Variants in GALP observed in about 807,000 individuals in gnomAD.
The protein encoded by GALP is galanin-like peptide.
A neutral mutation model predicts 15.2 loss-of-function variants in GALP; 12 were observed. The observed-to-expected ratio is 0.79, with a 90% CI of 0.51 to 1.28. The LOEUF (loss-of-function observed/expected upper bound fraction) is 1.28. Ranked by LOEUF, GALP falls within the 50% of genes most tolerant of loss-of-function variation. The probability of loss-of-function intolerance (pLI) is 0.00; values close to 1 mark genes in which losing one functional copy is unlikely to be tolerated. For missense variants in GALP, 161 were observed against 145.6 expected (o/e 1.11, Z -0.55); for synonymous variants, 58 against 55.1 (o/e 1.05, Z -0.23).
Position 56,177,092 on chromosome 19 carries a change from C to G in GALP, c.-17C>G. 6.2e-7 allele frequency: 1 copy of G among 1,604,038 alleles called. No homozygotes were observed. The highest frequency in any genetic ancestry group is 8.5e-7 in the Non-Finnish European group (1 of 1,173,212). On this transcript the variant is annotated 5_prime_UTR_variant, in exon 2 of 6. Transcript: ENST00000357330. Reference sequence around the variant, plus strand: ...CAGCGTGTTCCGCAGCTGTAGGCACCTGTCGTCCTGCCTTCGATGGCTCCT... The same window carrying G: ...CAGCGTGTTCCGCAGCTGTAGGCACGTGTCGTCCTGCCTTCGATGGCTCCT...
At chr19:56,182,512 T>C (rs35526808) in intron 4 of GALP, among the ~76,000 whole-genome samples, 34,763 of 152,070 alleles carry the variant, frequency 0.23, 4,907 homozygotes, top group African/African-American at 0.39. Flanking sequence ...GCATCAGACC[T>C]CACAGAATCC....
intron 3 of GALP, among the ~76,000 whole-genome samples, chr19:56,180,907 CTTTCTTTCTT>C (rs1191526994): frequency 8.4e-5 from 7 of 83,692 alleles, no homozygotes; most frequent in African/African-American, 2.1e-4. Flanking sequence ...TTCTTTCTTT[CTTTCTTTCTT>C]TTTTTTTTTT....
chr19:56,176,246 A>C (rs35957908), intron 1 of GALP, among the ~76,000 whole-genome samples, 184 bp downstream of exon 1: 10,947 of 59,286 alleles, frequency 0.18, 1,210 homozygotes, highest in East Asian at 0.32. Context: ...ACAGGGGCGG[A>C]TGCCAGCTGC....
At chr19:56,182,788 C>T (rs1354010936) in intron 4 of GALP, among the ~76,000 whole-genome samples, 1 of 152,138 alleles carries the variant, frequency 6.6e-6, no homozygotes, top group Non-Finnish European at 1.5e-5. Flanking sequence ...GAATTCCTGA[C>T]CTCAGGAGAT....
intron 5 of GALP, among the ~76,000 whole-genome samples, 176 bp from the exon 6 acceptor site, chr19:56,185,039 G>A (rs546205750): frequency 2.6e-5 from 4 of 152,182 alleles, no homozygotes; most frequent in South Asian, 2.1e-4. Flanking sequence ...GGTGGCTCAC[G>A]CCTGTAATCC....
intron 5 of GALP, among the ~76,000 whole-genome samples, chr19:56,184,821 T>A (rs188004081): frequency 3.3e-5 from 5 of 152,246 alleles, no homozygotes; most frequent in Admixed American, 1.3e-4. Context: ...AGACGCCATG[T>A]CCTTATTTCA....
rs1486011723 is a variant in GALP at position 56,183,148 on chromosome 19, C to G, written c.231C>G (p.Tyr77Ter). 1 of 1,613,154 alleles carries G rather than the reference C, an allele frequency of 6.2e-7. No individual in the cohort carries two copies. Among genetic ancestry groups the G allele is most frequent in the Non-Finnish European group, 8.5e-7 (1 of 1,179,156 alleles). The change falls in exon 5 of 6, where the codon TAC becomes TAG. Residue 77 changes from tyrosine to a stop codon, truncating the protein, a stop_gained. Transcript: ENST00000357330. LOFTEE classifies it high-confidence loss of function. ...DLWKAIDGLP[Y>*]SHPPQPSKRN... ...TTTTGTTTCTAGACGGGCTCCCCTA[C>G]TCCCACCCTCCACAGCCCTCCAAGA...
chr19:56,182,353 C>A, intron 4 of GALP, 101 bp downstream of exon 4: 1 of 809,824 alleles, frequency 1.2e-6, no homozygotes, highest in South Asian at 1.7e-5. Context: ...CCTCACCCTG[C>A]CGCTTACTAT....
rs781105517 is a variant in GALP, at chr19:56,177,122, C to T, written c.14C>T (p.Ser5Phe). MAPP[S>F]VPLVLLLVLL... is the part of the protein sequence containing the mutation. ...GTCCTGCCTTCGATGGCTCCTCCCT[C>T]CGTCCCCCTGGTCCTCCTCCTCGTC... The change falls in exon 2 of 6, where the codon TCC becomes TTC. Residue 5 changes from serine to phenylalanine, a missense_variant. Transcript: ENST00000357330. 3 of 1,613,368 alleles carry T rather than the reference C, an allele frequency of 1.9e-6. No individual in the cohort carries two copies. The highest frequency in any genetic ancestry group is 1.7e-5 in the Admixed American group (1 of 59,930).
intron 2 of GALP, among the ~76,000 whole-genome samples, chr19:56,178,959 G>A (rs2032514550): frequency 6.6e-6 from 1 of 152,198 alleles, no homozygotes; most frequent in Admixed American, 6.5e-5. Flanking sequence ...CGGATCACCT[G>A]AGGTCAGGAG....
chr19:56,177,652 A>C (rs560611375), intron 2 of GALP, among the ~76,000 whole-genome samples: 1 of 152,152 alleles, frequency 6.6e-6, no homozygotes, highest in Non-Finnish European at 1.5e-5. Context: ...CACGGCACCC[A>C]GTCTGGGACG....
chr19:56,177,510 C>CA (rs35564874), intron 2 of GALP, among the ~76,000 whole-genome samples: 12,398 of 73,528 alleles, frequency 0.17, 1,040 homozygotes, highest in African/African-American at 0.35. Flanking sequence ...GACTCCATCT[C>CA]AAAAAAAAAA....
intron 2 of GALP, among the ~76,000 whole-genome samples, chr19:56,178,262 G>C (rs139011716): frequency 6.6e-6 from 1 of 151,326 alleles, no homozygotes; most frequent in Admixed American, 6.6e-5. Context: ...TCAGGAGTTC[G>C]AGACCAGCCT....
In GALP at chr19:56,183,166, C is replaced by T; in HGVS notation, c.249C>T (p.Pro83=). The T allele has an allele frequency of 6.2e-7, 1 of 1,613,884 alleles. No homozygotes were observed. The part of the protein sequence containing the change: ...DGLPYSHPPQ[P]SKRNVMETFA... Reference sequence around the variant, plus strand: ...TCCCCTACTCCCACCCTCCACAGCCCTCCAAGAGGAATGTGATGGAGACGT... The same window carrying T: ...TCCCCTACTCCCACCCTCCACAGCCTTCCAAGAGGAATGTGATGGAGACGT... The change falls in exon 5 of 6, where the codon CCC becomes CCT. Residue 83 remains proline (P), a synonymous_variant. Transcript: ENST00000357330.
At chr19:56,185,116 C>G in intron 5 of GALP, 99 bp from the exon 6 acceptor site, 2 of 769,402 alleles carry the variant, frequency 2.6e-6, no homozygotes, top group Non-Finnish European at 4.5e-6. Context: ...GCCTGGCCAA[C>G]ATGGTGAAAC....
chr19:56,182,194 T>C lies in GALP; in HGVS notation c.159T>C (p.Gly53=), dbSNP rs771308137. Residue 53 remains glycine, a synonymous_variant, in exon 4 of 6, where the codon GGT becomes GGC. Coordinates refer to ENST00000357330, the MANE Select transcript of GALP (RefSeq NM_033106.4). ...CAGTCCTCCACCTTCCCCAAATGGG[T>C]GACCAAGACGGAAAGAGGGAGACAG... The part of the protein sequence containing the change: ...LGPVLHLPQM[G]DQDGKRETAL... 1 of 1,613,918 alleles carries C rather than the reference T, an allele frequency of 6.2e-7. No homozygotes were observed. Among genetic ancestry groups the C allele is most frequent in the South Asian group, 1.1e-5 (1 of 91,062 alleles).
chr19:56,183,051 C>T (rs936342870), intron 4 of GALP, 84 bp from the exon 5 acceptor site: 37 of 956,780 alleles, frequency 3.9e-5, no homozygotes, highest in Non-Finnish European at 5.3e-5. Context: ...CTCTTGCTCC[C>T]GTCTTTGTGT....
chr19:56,182,559 G>T (rs2032585288), intron 4 of GALP, among the ~76,000 whole-genome samples: 1 of 152,158 alleles, frequency 6.6e-6, no homozygotes, highest in Non-Finnish European at 1.5e-5. Flanking sequence ...ATAATCCCAT[G>T]ATTTAGTTGT....
At chr19:56,185,140 AAC>A in intron 5 of GALP, 73 bp from the exon 6 acceptor site, 1 of 971,176 alleles carries the variant, frequency 1.0e-6, no homozygotes, top group Non-Finnish European at 1.7e-6. Flanking sequence ...ATCTCTACTA[AAC>A]ATACAAAAAT....
Sources: gnomAD v4.1 joint callset for allele counts (sites outside exome capture counted in the v4.1 genomes callset) on GRCh38, gnomAD v4.1.1 for gene constraint, MANE v1.5 for transcripts, NCBI Gene and HGNC (gene_info 2026-07-23, HGNC 2026-07-21) for gene names.